Variants in ABR observed in about 807,000 individuals in gnomAD.
ABR encodes the protein active breakpoint cluster region-related protein.
In ABR, 35 loss-of-function variants were observed where a neutral mutation model predicts 107.2. The ratio of observed to expected loss-of-function variants is 0.33; its 90% CI spans 0.25 to 0.43. The LOEUF is 0.43. Ranked by LOEUF, ABR falls within the 20% of genes least tolerant of loss-of-function variation. The probability of loss-of-function intolerance (pLI) is 1.00; values close to 1 mark genes in which losing one functional copy is unlikely to be tolerated. For missense variants in ABR, 815 were observed against 1,115.2 expected, an observed-to-expected ratio of 0.73 and a Z score of 3.83; for synonymous variants, 498 against 462.0, an observed-to-expected ratio of 1.08 and a Z score of -1.00.
intron 16 of ABR, among the ~76,000 whole-genome samples, chr17:1,042,350 C>T (rs111845038): frequency 6.7e-6 from 1 of 149,406 alleles, no homozygotes; most frequent in Non-Finnish European, 1.5e-5. Flanking sequence ...AGACGTGGCA[C>T]CTACATCCAC....
intron 2 of ABR, among the ~76,000 whole-genome samples, chr17:1,122,784 C>T (rs1339515836): frequency 6.6e-6 from 1 of 152,200 alleles, no homozygotes; most frequent in African/African-American, 2.4e-5. Context: ...CGCACACACC[C>T]TGTTGGTTTT....
chr17:1,121,007 G>A (rs1462621423), intron 2 of ABR, among the ~76,000 whole-genome samples: 1 of 152,264 alleles, frequency 6.6e-6, no homozygotes, highest in Non-Finnish European at 1.5e-5. Flanking sequence ...CAGCTGAGAT[G>A]AGTCCTGGCC....
chr17:1,073,466 C>T (rs1014671954), intron 7 of ABR, among the ~76,000 whole-genome samples, 159 bp downstream of exon 7: 27 of 152,020 alleles, frequency 1.8e-4, no homozygotes, highest in African/African-American at 5.3e-4. Flanking sequence ...CCTAGCCTGG[C>T]GGCATGGATA....
chr17:1,045,313 G>A (rs1040563062), intron 16 of ABR, among the ~76,000 whole-genome samples: 4 of 151,598 alleles, frequency 2.6e-5, no homozygotes, highest in Non-Finnish European at 4.4e-5. Context: ...GAATTCCTGC[G>A]GGACAATCTT....
At position 1,210,098 on chromosome 17, in the gene ABR, C is replaced by G. The variant is rs2042872895; in HGVS notation, c.838+18695G>C. ...TAGTAAAGCACTAAATTAGTGACGG[C>G]TGATCTCTTAGAGAGACAGGGAGAA... On this transcript the variant is annotated intron_variant, in intron 1 of 22. Coordinates refer to the ABR transcript ENST00000574139. This position sits in a 1 kb window ranked among gnomAD's most constrained non-coding sequence, Gnocchi z 5.6. Among the ~76,000 whole-genome samples the G allele has an allele frequency of 6.6e-6, 1 of 152,178 alleles. No homozygotes were observed. The highest frequency in any genetic ancestry group is 2.4e-5 in the African/African-American group (1 of 41,440).
At chr17:1,062,669 G>C (rs1168045087) in intron 10 of ABR, among the ~76,000 whole-genome samples, 1 of 145,690 alleles carries the variant, frequency 6.9e-6, no homozygotes. Flanking sequence ...CTGTTGTTAT[G>C]TGAACTGAGG....
chr17:1,193,638 C>G (rs577076007), intron 1 of ABR, among the ~76,000 whole-genome samples: 32 of 152,270 alleles, frequency 2.1e-4, no homozygotes, highest in African/African-American at 7.7e-4. Context: ...CCAGGGAGTA[C>G]TGGCAACTGA....
chr17:1,216,518 C>T (rs570136718), intron 1 of ABR, among the ~76,000 whole-genome samples: 36 of 152,354 alleles, frequency 2.4e-4, no homozygotes, highest in African/African-American at 8.7e-4. Flanking sequence ...TCGGCTCTAA[C>T]TAATGCCTCC....
At chr17:1,180,653 AC>A (rs986933920), upstream of ABR, among the ~76,000 whole-genome samples, 22 of 152,086 alleles carry the variant, frequency 1.4e-4, no homozygotes, top group African/African-American at 5.1e-4. Context: ...CCTCCTGGGG[AC>A]CCCGAGCCGC....
At chr17:1,013,334 C>G (rs2070806961) in intron 16 of ABR, 170 bp from the exon 17 acceptor site, 1 of 700,146 alleles carries the variant, frequency 1.4e-6, no homozygotes, top group African/African-American at 1.8e-5. Flanking sequence ...GGACCCTAGC[C>G]CCCAGGCCCC....
At chr17:1,209,827 A>T (rs2150737638) in intron 1 of ABR, among the ~76,000 whole-genome samples, 1 of 152,302 alleles carries the variant, frequency 6.6e-6, no homozygotes, top group African/African-American at 2.4e-5. Context: ...TTGGAGGTAT[A>T]ATCACTCTAA....
Position 1,173,035 on chromosome 17 carries a change from C to T in ABR, c.61+6632G>A, listed in dbSNP as rs192593816. 8.8e-3 allele frequency among the ~76,000 whole-genome samples: 289 copies of T among 33,000 alleles called. 2 individuals carry two copies. Among genetic ancestry groups the T allele is most frequent in the Non-Finnish European group, 0.021 (132 of 6,184 alleles). The allele number at this position is 33,000 out of a possible 152,430, so 21.6% of individuals were successfully genotyped here. A position where few individuals can be genotyped will look rare whatever the true frequency, so the allele number is the denominator to read the frequency against. ...CAGTCCACCCAACACATCACCTCAGCCCACCCAACACATCACCTCAGTCCA... is the reference window on the plus strand; with the variant it reads ...CAGTCCACCCAACACATCACCTCAGTCCACCCAACACATCACCTCAGTCCA... On this transcript the variant is annotated intron_variant, in intron 1 of 22. Transcript: ENST00000302538.
intron 1 of ABR, among the ~76,000 whole-genome samples, chr17:1,196,974 G>T (rs543068443): frequency 1.3e-5 from 2 of 151,748 alleles, no homozygotes; most frequent in African/African-American, 2.4e-5. Flanking sequence ...GATGACAGGC[G>T]TGAGCCACCG....
chr17:1,014,934 T>C (rs2071024411), intron 16 of ABR, among the ~76,000 whole-genome samples: 1 of 152,236 alleles, frequency 6.6e-6, no homozygotes, highest in Admixed American at 6.5e-5. Context: ...AATTTGTTTC[T>C]ATTCCATTTC....
chr17:1,057,649 ATGTGTGTATGTGTGTGTGTG>A (rs56328563), intron 12 of ABR, among the ~76,000 whole-genome samples: 96,210 of 137,326 alleles, frequency 0.7, 31,496 homozygotes, highest in East Asian at 0.85. Flanking sequence ...GCCTCTGTGT[ATGTGTGTATGTGTGTGTGTG>A]TGTGTGTGTG....
At chr17:1,116,555 T>C (rs1306390565) in intron 2 of ABR, among the ~76,000 whole-genome samples, 3 of 152,070 alleles carry the variant, frequency 2.0e-5, no homozygotes, top group African/African-American at 7.2e-5. Flanking sequence ...ATTAACAGTA[T>C]GCAGAGGTGA....
intron 4 of ABR, among the ~76,000 whole-genome samples, chr17:1,088,380 A>G (rs1452229941): frequency 3.3e-5 from 5 of 150,366 alleles, no homozygotes; most frequent in East Asian, 4.7e-4. Context: ...CGGAGGGAGC[A>G]GGGGGGGGTA....
chr17:1,203,488 C>A (rs1304787157), intron 1 of ABR, among the ~76,000 whole-genome samples: 1 of 85,774 alleles, frequency 1.2e-5, no homozygotes, highest in Non-Finnish European at 2.6e-5. Context: ...GGGGCGGGGC[C>A]CGCGGGGACG....
At chr17:1,123,091 A>G (rs1015468719) in intron 2 of ABR, among the ~76,000 whole-genome samples, 8 of 152,214 alleles carry the variant, frequency 5.3e-5, no homozygotes, top group South Asian at 4.1e-4. Context: ...AAGAGGCGTC[A>G]GCTCCCTCCA....
Sources: gnomAD v4.1 joint callset for allele counts (sites outside exome capture counted in the v4.1 genomes callset) on GRCh38, gnomAD v4.1.1 for gene constraint, Gnocchi (gnomAD v3.1) non-coding constraint, MANE v1.5 for transcripts, NCBI Gene and HGNC (gene_info 2026-07-23, HGNC 2026-07-21) for gene names.